Variants in FAM131A observed in about 807,000 individuals in gnomAD.
FAM131A encodes protein FAM131A.
FAM131A carries 24 observed loss-of-function variants against 39.2 expected under a neutral mutation model. The ratio of observed to expected loss-of-function variants is 0.61; its 90% CI spans 0.44 to 0.86. FAM131A has a LOEUF of 0.86. FAM131A is among the 40% of genes least tolerant of loss of function. The pLI, the probability that FAM131A is intolerant of heterozygous loss-of-function variation, is 0.00. For missense variants in FAM131A, 373 were observed against 481.2 expected, an observed-to-expected ratio of 0.78 and a Z score of 2.10; for synonymous variants, 202 against 206.8, an observed-to-expected ratio of 0.98 and a Z score of 0.20.
At chr3:184,338,217 G>A (rs1487980871) in intron 1 of FAM131A, among the ~76,000 whole-genome samples, 170 bp from the exon 2 acceptor site, 1 of 152,056 alleles carries the variant, frequency 6.6e-6, no homozygotes, top group African/African-American at 2.4e-5. Flanking sequence ...GGGCCCGAGG[G>A]TCAGTGATGT....
At chr3:184,344,290 C>T (rs1030658855) in intron 5 of FAM131A, among the ~76,000 whole-genome samples, 2 of 152,168 alleles carry the variant, frequency 1.3e-5, no homozygotes, top group African/African-American at 2.4e-5. Flanking sequence ...CACCTGTGTG[C>T]GAGACTCTTG....
rs779104966 is a variant in FAM131A, at chr3:184,342,627, C to T, written c.509-117C>T. 1.9e-5 allele frequency: 17 copies of T among 889,646 alleles called. No individual in the cohort carries two copies. Among genetic ancestry groups the T allele is most frequent in the Middle Eastern group, 2.2e-4 (1 of 4,460 alleles). 55.1% of individuals were successfully genotyped at this position (889,646 alleles called of 1,614,324 possible). On this transcript the variant is annotated intron_variant, in intron 4 of 5. Transcript: ENST00000383847. The surrounding 1 kb of genome is among the most constrained non-coding windows in gnomAD (Gnocchi z 4.6). ...GGCCAGGGCTGCTTTCTTATCTCCT[C>T]GGGTCTGACATGGGGGTTGGAGTCT...
At chr3:184,341,212 TGG>T (rs1188426424) in intron 2 of FAM131A, 3 of 174,734 alleles carry the variant, frequency 1.7e-5, no homozygotes, top group Admixed American at 1.7e-4. Context: ...CCAGGCTAGA[TGG>T]GACAGTGGTG....
chr3:184,341,616 T>G, intron 2 of FAM131A, 108 bp from the exon 3 acceptor site: 1 of 836,052 alleles, frequency 1.2e-6, no homozygotes. Flanking sequence ...TATGTGGTGT[T>G]CCTTCCTAGC....
At position 184,344,768 on chromosome 3, in the gene FAM131A, A is replaced by G. The variant is rs1193189119; in HGVS notation, c.899A>G (p.Glu300Gly). The G allele has an allele frequency of 6.2e-7, 1 of 1,612,216 alleles. No individual in the cohort carries two copies. Among genetic ancestry groups the G allele is most frequent in the Non-Finnish European group, 8.5e-7 (1 of 1,179,910 alleles). Reference sequence around the variant, plus strand: ...GCCTTCCGCAGCCTGGGCCCACTGGAGGCCCAGGACTCACTCTACAACTCG... The same window carrying G: ...GCCTTCCGCAGCCTGGGCCCACTGGGGGCCCAGGACTCACTCTACAACTCG... ...ESAFRSLGPL[E>G]AQDSLYNSPL... The change falls in exon 6 of 6, where the codon GAG (glutamate) becomes GGG (glycine). Residue 300 changes from glutamate to glycine, a missense_variant. Coordinates refer to ENST00000383847, the MANE Select transcript of FAM131A (RefSeq NM_144635.5).
In FAM131A at chr3:184,342,392, C is replaced by T. The variant is rs757804140; in HGVS notation, c.508+144C>T. 1,439 of 1,016,778 alleles carry T rather than the reference C, an allele frequency of 1.4e-3. 3 individuals are homozygous for T. The highest frequency in any genetic ancestry group is 1.9e-3 in the Admixed American group (62 of 33,336). The allele number at this position is 1,016,778 out of a possible 1,614,324, so 63.0% of individuals were successfully genotyped here. A position where few individuals can be genotyped will look rare whatever the true frequency, so the allele number is the denominator to read the frequency against. On this transcript the variant is annotated intron_variant, in intron 4 of 5. Transcript: ENST00000383847. The surrounding 1 kb of genome is among the most constrained non-coding windows in gnomAD (Gnocchi z 4.6). ...ATGCAATCTCAGCTCACTGCAACCTCTGCCACCCCAGTTCAAGCGATTCTC... is the reference window on the plus strand; with the variant it reads ...ATGCAATCTCAGCTCACTGCAACCTTTGCCACCCCAGTTCAAGCGATTCTC...
In FAM131A at chr3:184,345,003, C is replaced by T. The variant is rs764628737; in HGVS notation, c.*33C>T. The T allele has an allele frequency of 5.2e-5, 76 of 1,467,910 alleles. No homozygotes were observed. The highest frequency in any genetic ancestry group is 6.6e-5 in the Non-Finnish European group (73 of 1,107,612). The allele number at this position is 1,467,910 out of a possible 1,614,324, so 90.9% of individuals were successfully genotyped here. A position where few individuals can be genotyped will look rare whatever the true frequency, so the allele number is the denominator to read the frequency against. On this transcript the variant is annotated 3_prime_UTR_variant, in exon 6 of 6. Coordinates refer to ENST00000383847, the MANE Select transcript of FAM131A (RefSeq NM_144635.5). ...CATGCCTGGCAGTGGCATGCATCCCCCGGCTGCTGCCAGGGGCAGAGCCTC... is the reference window on the plus strand; with the variant it reads ...CATGCCTGGCAGTGGCATGCATCCCTCGGCTGCTGCCAGGGGCAGAGCCTC...
chr3:184,343,164 C>T (rs541407118), intron 5 of FAM131A: 139 of 234,970 alleles, frequency 5.9e-4, no homozygotes, highest in African/African-American at 2.9e-3. Context: ...CTCAAGGACA[C>T]CTTCTGTGCA....
rs1300252317 is a variant in FAM131A at position 184,344,538 on chromosome 3, G to A, written c.669G>A (p.Leu223=). The change falls in exon 6 of 6, where the codon CTG becomes CTA. Residue 223 remains leucine, a synonymous_variant. Transcript: ENST00000383847. ...QLPLGPHLQD[L]FTGHRFSRPV... is the part of the protein sequence containing the mutation. Reference sequence around the variant, plus strand: ...CCCTGGGGCCGCACCTCCAGGACCTGTTCACCGGCCACCGGTTCTCCCGGC... The same window carrying A: ...CCCTGGGGCCGCACCTCCAGGACCTATTCACCGGCCACCGGTTCTCCCGGC... 3 of 1,578,578 alleles carry A rather than the reference G, an allele frequency of 1.9e-6. No homozygotes were observed. The African/African-American group carries it at 4.0e-5, about 21-fold the overall frequency.
chr3:184,341,919 T>G (rs768560537), intron 3 of FAM131A, 102 bp downstream of exon 3: 1 of 1,505,146 alleles, frequency 6.6e-7, no homozygotes, highest in Admixed American at 1.7e-5. Context: ...GGGTCTCCCC[T>G]TTCTTCCCTT....
chr3:184,338,577 AG>A, intron 2 of FAM131A, 48 bp downstream of exon 2: 1 of 1,525,144 alleles, frequency 6.6e-7, no homozygotes, highest in South Asian at 1.2e-5. Context: ...ATCCATATAA[AG>A]GGGATCTGCA....
At chr3:184,336,273 G>C (rs934050794), upstream of FAM131A, 1 of 152,464 alleles carries the variant, frequency 6.6e-6, no homozygotes, top group Non-Finnish European at 1.5e-5. The surrounding 1 kb of genome is among the most constrained non-coding windows in gnomAD (Gnocchi z 5.5). Context: ...AGGAGGGAGC[G>C]GGAATGAGCA....
rs750456077 is a variant in FAM131A at position 184,341,805 on chromosome 3, T to G, written c.313T>G (p.Ser105Ala). Residue 105 changes from serine (S) to alanine (A), a missense_variant, in exon 3 of 6, where the codon TCC becomes GCC. Around this residue, in one of 2 missense-constraint regions of FAM131A, gnomAD observed 221 missense variants for 347.7 expected, o/e 0.64. Transcript: ENST00000383847. The part of the protein sequence containing the change: ...TIQEIAALAR[S>A]SLHGISQVVK... ...CCAGGAGATCGCTGCGCTGGCCAGG[T>G]CCTCCCTGCATGGTATGCAGCCCCT... The G allele has an allele frequency of 1.2e-6, 2 of 1,614,114 alleles. No homozygotes were observed. The highest frequency in any genetic ancestry group is 4.5e-5 in the East Asian group (2 of 44,882).
Position 184,345,599 on chromosome 3 carries a change from G to A in FAM131A, c.*629G>A, listed in dbSNP as rs772398043. 34 of 702,752 alleles carry A rather than the reference G, an allele frequency of 4.8e-5. No homozygotes were observed. Among genetic ancestry groups the A allele is most frequent in the East Asian group, 8.0e-5 (3 of 37,280 alleles). 43.5% of individuals were successfully genotyped at this position (702,752 alleles called of 1,614,324 possible). ...AGGTTTTTGGTCTGTTTTTTCAGTC[G>A]GATCTTCTCTTCTCTGGGAGGCTTT... On this transcript the variant is annotated 3_prime_UTR_variant, in exon 6 of 6. Coordinates refer to ENST00000383847, the MANE Select transcript of FAM131A (RefSeq NM_144635.5).
At chr3:184,337,468 C>T, upstream of FAM131A, 1 of 650,028 alleles carries the variant, frequency 1.5e-6, no homozygotes, top group East Asian at 2.7e-5. Context: ...GTGTTCCCAC[C>T]TCCTCAGAGC....
rs1335810935 is a variant in FAM131A, at chr3:184,345,732, A to G, written c.*762A>G. The stretch of plus-strand genomic sequence containing the variant: ...TGCGGGCAGTGTGCTGGCGCCTCAC[A>G]GCCAGCCGGGCTGCCCATTCACGCA... On this transcript the variant is annotated 3_prime_UTR_variant, in exon 6 of 6. Transcript: ENST00000383847. The G allele has an allele frequency of 2.5e-5, 15 of 597,998 alleles. No individual in the cohort carries two copies. The East Asian group carries it at 2.9e-4, about 11-fold the overall frequency. 37.0% of individuals were successfully genotyped at this position (597,998 alleles called of 1,614,324 possible). A position where few individuals can be genotyped will look rare whatever the true frequency, so the allele number is the denominator to read the frequency against.
chr3:184,343,426 T>C (rs144216256), intron 5 of FAM131A, among the ~76,000 whole-genome samples: 2,747 of 152,342 alleles, frequency 0.018, 32 homozygotes, highest in Non-Finnish European at 0.027. Flanking sequence ...CCTGCAGGGC[T>C]CTGCAGCTGT....
At chr3:184,338,345 G>C in intron 1 of FAM131A, 42 bp from the exon 2 acceptor site, 3 of 1,415,188 alleles carry the variant, frequency 2.1e-6, no homozygotes, top group Non-Finnish European at 2.8e-6. Flanking sequence ...GATCTCTGCA[G>C]AAGTAGGGGC....
upstream of FAM131A, among the ~76,000 whole-genome samples, chr3:184,336,790 C>T (rs1483726519): frequency 6.6e-6 from 1 of 151,774 alleles, no homozygotes; most frequent in Non-Finnish European, 1.5e-5. This position sits in a 1 kb window ranked among gnomAD's most constrained non-coding sequence, Gnocchi z 5.5. Context: ...GAAAGAGGAA[C>T]CCAGAGGCAG....
Sources: allele counts gnomAD v4.1 joint callset (sites outside exome capture counted in the v4.1 genomes callset), GRCh38; gene constraint gnomAD v4.1.1; regional missense constraint gnomAD v4.1.1; non-coding constraint Gnocchi (gnomAD v3.1); transcripts MANE v1.5; gene names NCBI Gene and HGNC (gene_info 2026-07-23, HGNC 2026-07-21).